The following MARCHF8 variants were observed in gnomAD, a reference collection of about 807,000 sequenced individuals.
MARCHF8 encodes the protein membrane associated ring-CH-type finger 8.
MARCHF8 carries 40 observed loss-of-function variants against 51.6 expected under a neutral mutation model. The ratio of observed to expected loss-of-function variants is 0.77; its 90% confidence interval spans 0.60 to 1.01. The LOEUF (loss-of-function observed/expected upper bound fraction) is 1.01, where lower values mean the gene tolerates loss of function less well. Among genes scored for constraint, MARCHF8 ranks in the 50% least tolerant of loss-of-function variants. The pLI, the probability that MARCHF8 is intolerant of heterozygous loss-of-function variation, is 0.00. For missense variants in MARCHF8, 685 were observed against 708.6 expected (o/e 0.97, Z 0.38); for synonymous variants, 263 against 280.3 (o/e 0.94, Z 0.62).
Position 45,518,317 on chromosome 10 carries a change from A to C in MARCHF8, c.102+14793T>G, listed in dbSNP as rs540732758. On this transcript the variant is annotated intron_variant, in intron 2 of 7. Transcript: ENST00000453424. The stretch of plus-strand genomic sequence containing the variant: ...CCATCACAGTGCCACATCAGTACAG[A>C]AAAGAGAGCTCCGATGACACAGAAC... 2.5e-4 allele frequency among the ~76,000 whole-genome samples: 38 copies of C among 152,328 alleles called. No individual in the cohort carries two copies. In the South Asian group the frequency reaches 3.7e-3, roughly 15 times the overall value.
chr10:45,494,197 C>A (rs1479627429), intron 2 of MARCHF8, among the ~76,000 whole-genome samples: 1 of 152,206 alleles, frequency 6.6e-6, no homozygotes, highest in Non-Finnish European at 1.5e-5. Flanking sequence ...TTAATCAGTG[C>A]TGTCAATGAT....
chr10:45,494,406 T>C (rs2043136371), intron 2 of MARCHF8, among the ~76,000 whole-genome samples: 1 of 152,170 alleles, frequency 6.6e-6, no homozygotes, highest in Non-Finnish European at 1.5e-5. Flanking sequence ...ATGTGGGGTT[T>C]TCCTGAAACT....
At chr10:45,464,420 A>G in intron 3 of MARCHF8, 93 bp from the exon 4 acceptor site, 1 of 1,031,296 alleles carries the variant, frequency 9.7e-7, no homozygotes, top group Non-Finnish European at 1.5e-6. Context: ...AACCCTAGAA[A>G]TGTCTGCTGC....
intron 1 of MARCHF8, among the ~76,000 whole-genome samples, chr10:45,549,562 G>C (rs2044170785): frequency 6.6e-6 from 1 of 152,148 alleles, no homozygotes; most frequent in African/African-American, 2.4e-5. Context: ...AGTCAAGAAG[G>C]GGGAAAAGAG....
chr10:45,490,721 AC>A lies in MARCHF8; in HGVS notation c.103-1305del. Among the ~76,000 whole-genome samples, 3 of 152,356 alleles carry A rather than the reference AC, an allele frequency of 2.0e-5. No individual in the cohort carries two copies. The Middle Eastern group carries it at 0.01, about 518-fold the overall frequency. On this transcript the variant is annotated intron_variant, in intron 2 of 7. Coordinates refer to ENST00000453424, the MANE Select transcript of MARCHF8 (RefSeq NM_001282866.2). ...TTCTTGCTCTAAACCCAAATGAGTA[AC>A]AAAAACTATTGCCTAAGGAAGAGAA... is the stretch of plus-strand genomic sequence containing the variant.
chr10:45,550,209 G>A (rs1340135712), intron 1 of MARCHF8, among the ~76,000 whole-genome samples: 1 of 151,996 alleles, frequency 6.6e-6, no homozygotes, highest in Non-Finnish European at 1.5e-5. Context: ...TATAATACGG[G>A]GAAAAAGGTG....
chr10:45,497,126 G>C (rs974849552), intron 2 of MARCHF8, among the ~76,000 whole-genome samples: 1 of 151,800 alleles, frequency 6.6e-6, no homozygotes, highest in African/African-American at 2.4e-5. Flanking sequence ...GAAGCAAAAA[G>C]ATACATAGCA....
At chr10:45,509,131 A>G (rs557926844) in intron 2 of MARCHF8, among the ~76,000 whole-genome samples, 1 of 152,328 alleles carries the variant, frequency 6.6e-6, no homozygotes, top group East Asian at 1.9e-4. Flanking sequence ...TGCTTAAACA[A>G]CTTTCAGACC....
chr10:45,474,438 T>G (rs1311536885), intron 3 of MARCHF8, among the ~76,000 whole-genome samples: 1 of 151,924 alleles, frequency 6.6e-6, no homozygotes, highest in East Asian at 1.9e-4. Context: ...GAAAGTTGGC[T>G]TGCCCCATCC....
At position 45,576,508 on chromosome 10, in the gene MARCHF8, A is replaced by G. The variant is rs147211039; in HGVS notation, c.-79+17727T>C. Among the ~76,000 whole-genome samples the G allele has an allele frequency of 4.4e-3, 673 of 152,298 alleles. 4 individuals carry two copies. The highest frequency in any genetic ancestry group is 0.015 in the African/African-American group (640 of 41,570). ...AAGATGCAAGAAGTACCACCCCCTC[A>G]TGGTGTTAGAATAACACTGGTAGAA... is the stretch of plus-strand genomic sequence containing the variant. On this transcript the variant is annotated intron_variant, in intron 1 of 6. Transcript: ENST00000319836.
chr10:45,507,347 G>T (rs1344139896), intron 2 of MARCHF8, among the ~76,000 whole-genome samples: 1 of 152,162 alleles, frequency 6.6e-6, no homozygotes, highest in Non-Finnish European at 1.5e-5. Flanking sequence ...CCTGAGGCTG[G>T]GTAATTTATA....
At chr10:45,539,245 A>T (rs1286399246), upstream of MARCHF8, among the ~76,000 whole-genome samples, 1 of 152,258 alleles carries the variant, frequency 6.6e-6, no homozygotes, top group Non-Finnish European at 1.5e-5. Flanking sequence ...ATGAAGGCAG[A>T]AATAAAGATG....
At position 45,458,240 on chromosome 10, in the gene MARCHF8, C is replaced by CAG; in HGVS notation, c.1719_1720dup (p.Ter574SerfsTer42). On this transcript the variant is annotated frameshift_variant and stop_lost, in exon 8 of 8. Transcript: ENST00000453424. LOFTEE classifies it high-confidence loss of function. ...AGGAAAATGACAACCCGCACACAAT[C>CAG]AGACGTGAATGATTTCTGCTCCAGT... 6.2e-7 allele frequency: 1 copy of CAG among 1,606,360 alleles called. No homozygotes were observed. Among genetic ancestry groups the CAG allele is most frequent in the Non-Finnish European group, 8.5e-7 (1 of 1,175,914 alleles).
At chr10:45,518,021 ATTT>A (rs1564498191) in intron 2 of MARCHF8, among the ~76,000 whole-genome samples, 1 of 152,174 alleles carries the variant, frequency 6.6e-6, no homozygotes, top group South Asian at 2.1e-4. Flanking sequence ...TTAAAACTTA[ATTT>A]TTTTGCATTA....
At chr10:45,585,793 A>C (rs144197042) in intron 1 of MARCHF8, among the ~76,000 whole-genome samples, 1 of 152,290 alleles carries the variant, frequency 6.6e-6, no homozygotes, top group East Asian at 1.9e-4. Flanking sequence ...ACTTCTACAT[A>C]ACAAAAAAAA....
intron 2 of MARCHF8, among the ~76,000 whole-genome samples, chr10:45,509,311 G>C (rs576107988): frequency 1.3e-5 from 2 of 152,332 alleles, no homozygotes; most frequent in South Asian, 4.1e-4. Context: ...CTGTTTGAAT[G>C]TATTTTCCAG....
At chr10:45,533,067 T>C (rs1258372234) in intron 2 of MARCHF8, 43 bp downstream of exon 2, 1 of 1,495,036 alleles carries the variant, frequency 6.7e-7, no homozygotes, top group Admixed American at 2.3e-5. Context: ...TTAATAAAAA[T>C]TTAATAAAAA....
intron 3 of MARCHF8, among the ~76,000 whole-genome samples, chr10:45,475,577 T>A (rs1423992881): frequency 6.6e-6 from 1 of 152,072 alleles, no homozygotes; most frequent in African/African-American, 2.4e-5. Context: ...TGCGTACACA[T>A]TTGGGCCTGA....
intron 1 of MARCHF8, among the ~76,000 whole-genome samples, chr10:45,580,588 A>C (rs1457293918): frequency 6.6e-6 from 1 of 152,204 alleles, no homozygotes; most frequent in East Asian, 1.9e-4. Flanking sequence ...ATATGTAAAA[A>C]ATGTATCTAG....
Sources: allele counts gnomAD v4.1 joint callset (sites outside exome capture counted in the v4.1 genomes callset), GRCh38; gene constraint gnomAD v4.1.1; transcripts MANE v1.5; gene names NCBI Gene and HGNC (gene_info 2026-07-23, HGNC 2026-07-21).